MAN1B1: variants seen among roughly 807,000 people sequenced by gnomAD.
The protein encoded by MAN1B1 is mannosidase alpha class 1B member 1, also known as endoplasmic reticulum mannosyl-oligosaccharide 1,2-alpha-mannosidase.
MAN1B1 carries 66 observed loss-of-function variants against 75.5 expected under a neutral mutation model. That is an observed-to-expected ratio of 0.87 (90% CI 0.72 to 1.07). The LOEUF (loss-of-function observed/expected upper bound fraction) is 1.07. Ranked by LOEUF, MAN1B1 falls within the 50% of genes least tolerant of loss-of-function variation. The pLI, the probability that MAN1B1 is intolerant of heterozygous loss-of-function variation, is 0.00. For missense variants in MAN1B1, 973 were observed against 912.5 expected, an observed-to-expected ratio of 1.07 and a Z score of -0.85; for synonymous variants, 453 against 382.8, an observed-to-expected ratio of 1.18 and a Z score of -2.14.
At position 137,099,758 on chromosome 9, in the gene MAN1B1, C is replaced by T. The variant is rs541409222; in HGVS notation, c.793C>T (p.Arg265Cys). 28 of 1,614,202 alleles carry T rather than the reference C, an allele frequency of 1.7e-5. No individual in the cohort carries two copies. Among genetic ancestry groups the T allele is most frequent in the African/African-American group, 4.0e-5 (3 of 75,052 alleles). The change falls in exon 6 of 13, where the codon CGC becomes TGC. Residue 265 changes from arginine (R) to cysteine (C), a missense_variant. Coordinates refer to ENST00000371589, the MANE Select transcript of MAN1B1 (RefSeq NM_016219.5). ...DVFLHAWKGYRKFAWGHDELK... is the reference protein window; with the variant it reads ...DVFLHAWKGYCKFAWGHDELK... ...CTTCCTGCATGCATGGAAAGGATAC[C>T]GCAAGTTTGCATGGGGCCATGACGA...
Sources: allele counts gnomAD v4.1 joint callset, GRCh38; gene constraint gnomAD v4.1.1; transcripts MANE v1.5; gene names NCBI Gene and HGNC (gene_info 2026-07-23, HGNC 2026-07-21).